The following NBAS variants were observed in gnomAD, a reference collection of about 807,000 sequenced individuals.
NBAS encodes NAG/BC035112 fusion.
Under a neutral mutation model 302.5 loss-of-function variants are expected in NBAS, and 219 were observed. That is an observed-to-expected ratio of 0.72 (90% confidence interval 0.65 to 0.81). NBAS has a LOEUF of 0.81. Ranked by LOEUF, NBAS falls within the 30% of genes least tolerant of loss-of-function variation. The pLI is 0.00. For missense variants in NBAS, 2,932 were observed against 2,841.6 expected (o/e 1.03, Z -0.72); for synonymous variants, 1,118 against 1,021.6 (o/e 1.09, Z -1.80).
At chr2:15,117,818 C>T in the NBAS span, among the ~76,000 whole-genome samples, 2 of 152,202 alleles carry the variant, frequency 1.3e-5, no homozygotes, top group African/African-American at 4.8e-5. Flanking sequence ...CTCCTGCTTA[C>T]AGGCCACACC....
chr2:15,045,489 A>G, the NBAS span, among the ~76,000 whole-genome samples: 1 of 151,938 alleles, frequency 6.6e-6, no homozygotes, highest in South Asian at 2.1e-4. Context: ...GTCTTTCCCA[A>G]CTTTTTTCAT....
the NBAS span, among the ~76,000 whole-genome samples, chr2:14,792,680 A>C: frequency 6.6e-6 from 1 of 152,262 alleles, no homozygotes; most frequent in Admixed American, 6.5e-5. Flanking sequence ...GAAATTAAAA[A>C]AAAAAATCGT....
At chr2:15,189,038 C>T (rs1371614176) in intron 49 of NBAS, among the ~76,000 whole-genome samples, 1 of 152,158 alleles carries the variant, frequency 6.6e-6, no homozygotes, top group Non-Finnish European at 1.5e-5. Context: ...ACCCAGGACC[C>T]TGCTTTGAAC....
chr2:15,204,904 A>C (rs1328563822), intron 48 of NBAS, among the ~76,000 whole-genome samples: 1 of 152,196 alleles, frequency 6.6e-6, no homozygotes, highest in Non-Finnish European at 1.5e-5. Context: ...GATATACCTA[A>C]TGTAAATGAT....
chr2:14,975,290 A>C, the NBAS span, among the ~76,000 whole-genome samples: 1 of 152,192 alleles, frequency 6.6e-6, no homozygotes, highest in African/African-American at 2.4e-5. Context: ...GCCAAGTTTA[A>C]ATTGTGGGTG....
intron 32 of NBAS, 27 bp from the exon 33 acceptor site, chr2:15,356,443 G>A (rs1352394998): frequency 2.0e-6 from 3 of 1,519,264 alleles, no homozygotes; most frequent in East Asian, 2.3e-5. Context: ...AGGACTTAAT[G>A]ATTATGACAA....
At chr2:15,448,000 C>A (rs977540568) in intron 21 of NBAS, among the ~76,000 whole-genome samples, 1 of 152,144 alleles carries the variant, frequency 6.6e-6, no homozygotes, top group Non-Finnish European at 1.5e-5. Context: ...GTGAAAGGAA[C>A]AAAATGGCAA....
chr2:15,251,129 T>TA (rs1159170500), intron 44 of NBAS, among the ~76,000 whole-genome samples: 1 of 152,002 alleles, frequency 6.6e-6, no homozygotes, highest in Admixed American at 6.5e-5. Context: ...TATGCAGCCA[T>TA]AAAAAAGAAT....
At chr2:15,046,625 C>G in the NBAS span, among the ~76,000 whole-genome samples, 1 of 152,118 alleles carries the variant, frequency 6.6e-6, no homozygotes, top group African/African-American at 2.4e-5. Context: ...TTTTTTGCCA[C>G]TTTAATACTA....
At chr2:14,958,560 G>T in the NBAS span, among the ~76,000 whole-genome samples, 1 of 152,182 alleles carries the variant, frequency 6.6e-6, no homozygotes, top group East Asian at 1.9e-4. Flanking sequence ...GAGAAATGAG[G>T]GGTGGGAACC....
chr2:15,342,997 C>G (rs2148273592), intron 35 of NBAS, among the ~76,000 whole-genome samples: 1 of 151,984 alleles, frequency 6.6e-6, no homozygotes, highest in African/African-American at 2.4e-5. Flanking sequence ...AAAGGACACC[C>G]AAGTTCAATA....
the NBAS span, among the ~76,000 whole-genome samples, chr2:14,975,525 T>G: frequency 6.6e-6 from 1 of 152,236 alleles, no homozygotes; most frequent in Non-Finnish European, 1.5e-5. Context: ...TCTGCAGCTT[T>G]CTTTCTACTG....
At chr2:14,819,077 C>G in the NBAS span, among the ~76,000 whole-genome samples, 6 of 152,330 alleles carry the variant, frequency 3.9e-5, no homozygotes, top group African/African-American at 1.4e-4. Flanking sequence ...TGTCATAACC[C>G]TCTTGCCCTG....
At chr2:15,558,347 A>T (rs1664740848) in intron 2 of NBAS, among the ~76,000 whole-genome samples, 1 of 152,178 alleles carries the variant, frequency 6.6e-6, no homozygotes, top group African/African-American at 2.4e-5. Context: ...ATACATCCAT[A>T]ATGGTTAAAC....
At chr2:15,294,657 C>T (rs764373435) in intron 40 of NBAS, among the ~76,000 whole-genome samples, 4 of 152,182 alleles carry the variant, frequency 2.6e-5, no homozygotes, top group Non-Finnish European at 5.9e-5. Flanking sequence ...TGTGCACTGC[C>T]GTGGCCTGCT....
chr2:15,332,519 T>C (rs1383532396), intron 35 of NBAS, among the ~76,000 whole-genome samples: 1 of 152,076 alleles, frequency 6.6e-6, no homozygotes, highest in African/African-American at 2.4e-5. Context: ...CCATACGTAT[T>C]CTAAACCGGT....
chr2:14,870,619 T>C, the NBAS span, among the ~76,000 whole-genome samples: 1 of 151,922 alleles, frequency 6.6e-6, no homozygotes, highest in Non-Finnish European at 1.5e-5. Context: ...TCCATGTAGC[T>C]TAACTATGTC....
the NBAS span, among the ~76,000 whole-genome samples, chr2:15,034,150 G>A: frequency 0.015 from 2,242 of 145,286 alleles, 55 homozygotes; most frequent in African/African-American, 0.056. Context: ...GAGAAAGAGG[G>A]AGGAGGAGGA....
chr2:14,901,567 A>G, the NBAS span, among the ~76,000 whole-genome samples: 2 of 152,348 alleles, frequency 1.3e-5, no homozygotes, highest in African/African-American at 4.8e-5. Flanking sequence ...GACGAGGAAA[A>G]GAGAATTAAC....
Sources: gnomAD v4.1 joint callset for allele counts (sites outside exome capture counted in the v4.1 genomes callset) on GRCh38, gnomAD v4.1.1 for gene constraint, MANE v1.5 for transcripts, NCBI Gene and HGNC (gene_info 2026-07-23, HGNC 2026-07-21) for gene names.